The following KIF6 variants were observed in gnomAD, a reference collection of about 807,000 sequenced individuals.
KIF6 encodes the protein kinesin family member 6.
In KIF6, 106 loss-of-function variants were observed where a neutral mutation model predicts 112.7. The observed-to-expected ratio is 0.94, with a 90% CI of 0.80 to 1.11. The LOEUF (loss-of-function observed/expected upper bound fraction) is 1.11. KIF6 is among the 50% of genes least tolerant of loss of function. KIF6 has a pLI of 0.00. For synonymous variants in KIF6, 339 were observed against 339.9 expected (o/e 1.00, Z 0.03); for missense variants, 929 against 964.0 (o/e 0.96, Z 0.48).
intron 19 of KIF6, chr6:39,353,800 G>A (rs141140589): frequency 1.1e-4 from 36 of 326,022 alleles, no homozygotes; most frequent in Middle Eastern, 2.2e-3. Context: ...TCCCTAGTGC[G>A]GTGTCCGGCA....
In KIF6 at chr6:39,472,357, G is replaced by A. The variant is rs565195352; in HGVS notation, c.1646-41196C>T. On this transcript the variant is annotated intron_variant, in intron 13 of 22. Coordinates refer to ENST00000287152, the MANE Select transcript of KIF6 (RefSeq NM_145027.6). ...CTCCAGCCAGACACTTCCATGTCTC[G>A]GGGTGAAAAAATCATTCAAAAATTA... Among the ~76,000 whole-genome samples the A allele has an allele frequency of 7.9e-5, 12 of 151,918 alleles. No individual in the cohort carries two copies. In the East Asian group the frequency reaches 1.9e-3, roughly 24 times the overall value.
At position 39,398,616 on chromosome 6, in the gene KIF6, AG is replaced by A. The variant is rs564652995; in HGVS notation, c.1811-12945del. ...AAAGATACACCATTATTTTGGGGGA[AG>A]CTCTAAAAATGAAATAACCCAAATG... On this transcript the variant is annotated intron_variant, in intron 15 of 22. Transcript: ENST00000287152. Among the ~76,000 whole-genome samples the A allele has an allele frequency of 8.3e-4, 126 of 152,334 alleles. 1 individual carries two copies. Among genetic ancestry groups the A allele is most frequent in the African/African-American group, 2.8e-3 (118 of 41,578 alleles).
At chr6:39,525,024 A>G (rs1197871207) in intron 13 of KIF6, among the ~76,000 whole-genome samples, 1 of 152,254 alleles carries the variant, frequency 6.6e-6, no homozygotes, top group African/African-American at 2.4e-5. Context: ...TAGGGTTCCC[A>G]TGCCCAGAAC....
intron 5 of KIF6, among the ~76,000 whole-genome samples, chr6:39,615,165 C>G (rs1164129681): frequency 6.7e-6 from 1 of 149,268 alleles, no homozygotes; most frequent in Non-Finnish European, 1.5e-5. Flanking sequence ...GGAGCGAGGC[C>G]TTTTCTAAAA....
At chr6:39,336,941 TTTTC>T (rs937679042) in intron 22 of KIF6, among the ~76,000 whole-genome samples, 6 of 150,744 alleles carry the variant, frequency 4.0e-5, no homozygotes, top group Admixed American at 1.3e-4. Context: ...CTTTCTTTCT[TTTTC>T]TTTCTCTTTC....
Position 39,601,852 on chromosome 6 carries a change from T to G in KIF6, c.640-5592A>C, listed in dbSNP as rs184948513. Among the ~76,000 whole-genome samples, 278 of 152,264 alleles carry G rather than the reference T, an allele frequency of 1.8e-3. 1 individual carries two copies. The highest frequency in any genetic ancestry group is 2.9e-3 in the Admixed American group (44 of 15,260). ...TGTGCTATCTACAAATGAAAATATC[T>G]TGTATATTCTCATCCAAACAATGTG... is the stretch of plus-strand genomic sequence containing the variant. On this transcript the variant is annotated intron_variant, in intron 6 of 22. Transcript: ENST00000287152.
At chr6:39,712,678 G>C (rs956225483) in intron 3 of KIF6, among the ~76,000 whole-genome samples, 1 of 152,116 alleles carries the variant, frequency 6.6e-6, no homozygotes, top group African/African-American at 2.4e-5. Flanking sequence ...GCCTGGCCAA[G>C]ATGGTGAAAC....
At chr6:39,404,320 G>A (rs1193333849) in intron 15 of KIF6, among the ~76,000 whole-genome samples, 1 of 152,076 alleles carries the variant, frequency 6.6e-6, no homozygotes, top group African/African-American at 2.4e-5. Context: ...TTAGATCTAT[G>A]ATCTGTTTTG....
intron 15 of KIF6, among the ~76,000 whole-genome samples, chr6:39,392,149 A>G (rs138411297): frequency 5.0e-4 from 76 of 152,324 alleles, no homozygotes; most frequent in Non-Finnish European, 9.7e-4. Context: ...ATATTGTGCT[A>G]TAGATCTCAT....
At chr6:39,686,190 T>TTTAGC (rs1787856889) in intron 3 of KIF6, among the ~76,000 whole-genome samples, 1 of 152,216 alleles carries the variant, frequency 6.6e-6, no homozygotes. Flanking sequence ...TTGTAAGGTG[T>TTTAGC]TTAGCTTAAT....
chr6:39,466,233 C>G (rs10214720), intron 13 of KIF6, among the ~76,000 whole-genome samples: 5 of 152,066 alleles, frequency 3.3e-5, no homozygotes, highest in South Asian at 2.1e-4. Context: ...TTTCCTCCCC[C>G]CTTCCTCCTT....
At chr6:39,667,924 T>C (rs1305526661) in intron 3 of KIF6, among the ~76,000 whole-genome samples, 1 of 152,178 alleles carries the variant, frequency 6.6e-6, no homozygotes, top group East Asian at 1.9e-4. Flanking sequence ...TGATCCCTCA[T>C]GAGTGGCTTA....
intron 13 of KIF6, among the ~76,000 whole-genome samples, chr6:39,503,102 C>T (rs1776225095): frequency 6.6e-6 from 1 of 151,998 alleles, no homozygotes; most frequent in South Asian, 2.1e-4. Flanking sequence ...TAAAACACTC[C>T]TCAGCAAATG....
intron 15 of KIF6, among the ~76,000 whole-genome samples, chr6:39,388,284 A>T (rs1049092379): frequency 1.4e-5 from 2 of 145,144 alleles, no homozygotes; most frequent in Non-Finnish European, 3.0e-5. Flanking sequence ...CTAAGGAAGT[A>T]TTTTTTTTTT....
At chr6:39,619,814 T>C (rs941572676) in intron 5 of KIF6, among the ~76,000 whole-genome samples, 16 of 152,226 alleles carry the variant, frequency 1.1e-4, no homozygotes, top group African/African-American at 3.4e-4. Context: ...TCACTAAGAT[T>C]GAGCATAAAT....
intron 2 of KIF6, among the ~76,000 whole-genome samples, chr6:39,715,505 A>ATT (rs34333435): frequency 0.49 from 68,061 of 138,166 alleles, 17,511 homozygotes; most frequent in East Asian, 0.76. Flanking sequence ...CACAGAATCT[A>ATT]TTTTTTTTTT....
intron 10 of KIF6, among the ~76,000 whole-genome samples, chr6:39,570,826 T>C (rs1263761408): frequency 6.6e-6 from 1 of 152,172 alleles, no homozygotes; most frequent in East Asian, 1.9e-4. Flanking sequence ...TCCTGAGGAC[T>C]TCCAAGCCAT....
intron 12 of KIF6, among the ~76,000 whole-genome samples, chr6:39,541,734 C>T (rs182711722): frequency 6.6e-6 from 1 of 152,284 alleles, no homozygotes; most frequent in South Asian, 2.1e-4. Flanking sequence ...GGTGACTGGG[C>T]AGCTGCTATA....
chr6:39,628,271 C>T (rs1278988545), intron 5 of KIF6, among the ~76,000 whole-genome samples: 1 of 151,492 alleles, frequency 6.6e-6, no homozygotes, highest in African/African-American at 2.4e-5. Flanking sequence ...TGTGTGTATA[C>T]ATTTTAGTTC....
Sources: allele counts gnomAD v4.1 joint callset (sites outside exome capture counted in the v4.1 genomes callset), GRCh38; gene constraint gnomAD v4.1.1; transcripts MANE v1.5; gene names NCBI Gene and HGNC (gene_info 2026-07-23, HGNC 2026-07-21).